Variants in CST7 observed in about 807,000 individuals in gnomAD.
CST7 encodes the protein cystatin F.
Under a neutral mutation model 13.1 loss-of-function variants are expected in CST7, and 15 were observed. That is an observed-to-expected ratio of 1.14 (90% confidence interval 0.77 to 1.76). The LOEUF (loss-of-function observed/expected upper bound fraction) is 1.76. Among genes scored for constraint, CST7 ranks in the 40% most tolerant of loss-of-function variants. The probability of loss-of-function intolerance (pLI) is 0.00; values close to 1 mark genes in which losing one functional copy is unlikely to be tolerated. For synonymous variants in CST7, 75 were observed against 66.9 expected (o/e 1.12, Z -0.59); for missense variants, 193 against 178.8 (o/e 1.08, Z -0.45).
At chr20:24,957,731 G>A (rs556786694) in intron 2 of CST7, among the ~76,000 whole-genome samples, 1 of 152,266 alleles carries the variant, frequency 6.6e-6, no homozygotes, top group South Asian at 2.1e-4. Context: ...GGGGTAAGGA[G>A]GTGCCAGGGC....
At chr20:24,954,318 A>ATC (rs34106974) in intron 1 of CST7, among the ~76,000 whole-genome samples, 2,256 of 152,286 alleles carry the variant, frequency 0.015, 65 homozygotes, top group African/African-American at 0.052. Flanking sequence ...GCAGAGGAGG[A>ATC]GAGCACCCAT....
chr20:24,952,375 C>T (rs957428902), intron 1 of CST7, among the ~76,000 whole-genome samples: 3 of 152,188 alleles, frequency 2.0e-5, no homozygotes, highest in African/African-American at 7.2e-5. Context: ...CGGGACTGAT[C>T]TGGTAGAGCT....
intron 1 of CST7, among the ~76,000 whole-genome samples, chr20:24,951,554 C>T (rs1310724372): frequency 6.6e-5 from 10 of 152,210 alleles, no homozygotes; most frequent in African/African-American, 2.2e-4. Flanking sequence ...CACAAGCATG[C>T]GTCCTGCCCC....
chr20:24,958,955 G>T lies in CST7; in HGVS notation c.271G>T (p.Glu91Ter). Reference sequence around the variant, plus strand: ...AGTGAAAGGCCTGAAATATATGCTGGAGGTGGAAATTGGCAGAACTACCTG... The same window carrying T: ...AGTGAAAGGCCTGAAATATATGCTGTAGGTGGAAATTGGCAGAACTACCTG... ...QIVKGLKYML[E>*]VEIGRTTCKK... is the part of the protein sequence containing the mutation. The change falls in exon 3 of 4, where the codon GAG becomes TAG. Residue 91 changes from glutamate to a stop codon, truncating the protein, a stop_gained. Coordinates refer to ENST00000480798, the MANE Select transcript of CST7 (RefSeq NM_003650.4). LOFTEE classifies it high-confidence loss of function. 6.2e-7 allele frequency: 1 copy of T among 1,613,984 alleles called. No homozygotes were observed. Among genetic ancestry groups the T allele is most frequent in the Non-Finnish European group, 8.5e-7 (1 of 1,179,902 alleles).
At chr20:24,954,590 C>T (rs546610466) in intron 1 of CST7, among the ~76,000 whole-genome samples, 1 of 152,330 alleles carries the variant, frequency 6.6e-6, no homozygotes, top group East Asian at 1.9e-4. Flanking sequence ...AAATTAAAAA[C>T]TGAGCTTTTA....
At position 24,959,056 on chromosome 20, in the gene CST7, G is replaced by T; in HGVS notation, c.360+12G>T. Reference sequence around the variant, plus strand: ...ACACCTTGAAGCAGGTAAAGCAGCAGGCCCTTCTCTCAGATGTGCCCTCTC... The same window carrying T: ...ACACCTTGAAGCAGGTAAAGCAGCATGCCCTTCTCTCAGATGTGCCCTCTC... On this transcript the variant is annotated intron_variant, in intron 3 of 3. Transcript: ENST00000480798. 1 of 1,596,572 alleles carries T rather than the reference G, an allele frequency of 6.3e-7. No homozygotes were observed. Among genetic ancestry groups the T allele is most frequent in the Non-Finnish European group, 8.6e-7 (1 of 1,164,160 alleles).
At chr20:24,955,417 T>C (rs2087847302) in intron 1 of CST7, among the ~76,000 whole-genome samples, 1 of 151,920 alleles carries the variant, frequency 6.6e-6, no homozygotes, top group South Asian at 2.1e-4. Flanking sequence ...AACAGAGCGG[T>C]TTCTATTCCA....
chr20:24,957,315 T>G lies in CST7; in HGVS notation c.99T>G (p.Arg33=). 1 of 1,613,644 alleles carries G rather than the reference T, an allele frequency of 6.2e-7. No individual in the cohort carries two copies. Among genetic ancestry groups the G allele is most frequent in the South Asian group, 1.1e-5 (1 of 91,074 alleles). Residue 33 remains arginine, a synonymous_variant, in exon 2 of 4, where the codon CGT becomes CGG. Transcript: ENST00000480798. ...CTTGTTCCCAGGACCTTAACTCACGTGTGAAGCCAGGATTTCCTAAAACAA... is the reference window on the plus strand; with the variant it reads ...CTTGTTCCCAGGACCTTAACTCACGGGTGAAGCCAGGATTTCCTAAAACAA... ...PDTCSQDLNS[R]VKPGFPKTIK...
At chr20:24,951,331 G>T (rs2087817330) in intron 1 of CST7, among the ~76,000 whole-genome samples, 1 of 152,158 alleles carries the variant, frequency 6.6e-6, no homozygotes, top group Non-Finnish European at 1.5e-5. Flanking sequence ...AGGCACATGG[G>T]GCATGGGGTG....
Position 24,959,681 on chromosome 20 carries a change from A to C in CST7, c.407A>C (p.His136Pro), listed in dbSNP as rs2087883760. The C allele has an allele frequency of 6.2e-7, 1 of 1,613,978 alleles. No individual in the cohort carries two copies. The highest frequency in any genetic ancestry group is 1.1e-5 in the South Asian group (1 of 91,088). ...SEVWVVPWLQ[H>P]FEVPVLRCH ...GTCTGGGTCGTGCCCTGGCTCCAGC[A>C]CTTCGAGGTGCCTGTTCTCCGTTGT... The change falls in exon 4 of 4, where the codon CAC becomes CCC. Residue 136 changes from histidine (H) to proline (P), a missense_variant. His to Pro is a moderately conservative substitution (Grantham distance 77). Coordinates refer to ENST00000480798, the MANE Select transcript of CST7 (RefSeq NM_003650.4).
Position 24,959,028 on chromosome 20 carries a change from A to T in CST7, c.344A>T (p.Asn115Ile). The T allele has an allele frequency of 6.2e-7, 1 of 1,613,716 alleles. No homozygotes were observed. Among genetic ancestry groups the T allele is most frequent in the Non-Finnish European group, 8.5e-7 (1 of 1,179,664 alleles). The change falls in exon 3 of 4, where the codon AAC becomes ATC. Residue 115 changes from asparagine (N) to isoleucine (I), a missense_variant. Coordinates refer to ENST00000480798, the MANE Select transcript of CST7 (RefSeq NM_003650.4). ...CTGGATGACTGTGACTTCCAAACCAACCACACCTTGAAGCAGGTAAAGCAG... is the reference window on the plus strand; with the variant it reads ...CTGGATGACTGTGACTTCCAAACCATCCACACCTTGAAGCAGGTAAAGCAG... ...LRLDDCDFQT[N>I]HTLKQTLSCY...
At chr20:24,953,162 C>T (rs1034100935) in intron 1 of CST7, among the ~76,000 whole-genome samples, 2 of 152,208 alleles carry the variant, frequency 1.3e-5, no homozygotes, top group African/African-American at 4.8e-5. Flanking sequence ...CTCGGGCACC[C>T]GGACAGGACT....
chr20:24,951,812 C>T (rs2087821044), intron 1 of CST7, among the ~76,000 whole-genome samples: 1 of 152,242 alleles, frequency 6.6e-6, no homozygotes, highest in Admixed American at 6.5e-5. Context: ...TTCCGCCACC[C>T]TTTTGAAAAG....
chr20:24,950,948 G>A (rs1245931549), intron 1 of CST7, among the ~76,000 whole-genome samples: 1 of 152,174 alleles, frequency 6.6e-6, no homozygotes, highest in East Asian at 1.9e-4. Flanking sequence ...CTGTCCTAGC[G>A]TGTCCTGGGA....
intron 1 of CST7, among the ~76,000 whole-genome samples, chr20:24,950,560 G>A (rs769590258): frequency 6.6e-6 from 1 of 152,212 alleles, no homozygotes; most frequent in Non-Finnish European, 1.5e-5. Flanking sequence ...ACGGCAGGCT[G>A]GAGGAGGGGC....
chr20:24,958,345 G>A (rs2087872716), intron 2 of CST7, among the ~76,000 whole-genome samples: 1 of 152,130 alleles, frequency 6.6e-6, no homozygotes, highest in African/African-American at 2.4e-5. Flanking sequence ...CTGAGTCCTT[G>A]GGGTTCTCTG....
At chr20:24,955,476 G>C (rs2087847857) in intron 1 of CST7, among the ~76,000 whole-genome samples, 1 of 146,942 alleles carries the variant, frequency 6.8e-6, no homozygotes, top group South Asian at 2.2e-4. Context: ...CTGAGACGGA[G>C]TCTCGCTCTG....
intron 1 of CST7, among the ~76,000 whole-genome samples, chr20:24,950,789 G>A (rs2087814354): frequency 6.6e-6 from 1 of 152,210 alleles, no homozygotes; most frequent in South Asian, 2.1e-4. Context: ...TCCTGATGCA[G>A]TGCTGCCTGC....
intron 1 of CST7, among the ~76,000 whole-genome samples, chr20:24,951,637 G>T (rs1370611930): frequency 2.0e-5 from 3 of 152,170 alleles, no homozygotes; most frequent in Non-Finnish European, 4.4e-5. Flanking sequence ...CATGACTGAG[G>T]GGGGTAGGGG....
Sources: gnomAD v4.1 joint callset for allele counts (sites outside exome capture counted in the v4.1 genomes callset) on GRCh38, gnomAD v4.1.1 for gene constraint, MANE v1.5 for transcripts, NCBI Gene and HGNC (gene_info 2026-07-23, HGNC 2026-07-21) for gene names.